Variants in DTX1 observed in about 807,000 individuals in gnomAD.
DTX1 encodes E3 ubiquitin-protein ligase DTX1.
In DTX1, 26 loss-of-function variants were observed where a neutral mutation model predicts 57.8. The observed-to-expected ratio is 0.45, with a 90% CI of 0.33 to 0.62. The LOEUF (loss-of-function observed/expected upper bound fraction) is 0.62, where lower values mean the gene tolerates loss of function less well. Among genes scored for constraint, DTX1 ranks in the 20% least tolerant of loss-of-function variants. DTX1 has a pLI of 0.02. For missense variants in DTX1, 704 were observed against 895.3 expected (o/e 0.79, Z 2.73); for synonymous variants, 398 against 394.1 (o/e 1.01, Z -0.12).
intron 2 of DTX1, among the ~76,000 whole-genome samples, chr12:113,062,415 A>G (rs2044671488): frequency 1.3e-5 from 2 of 152,248 alleles, no homozygotes; most frequent in South Asian, 4.1e-4. Flanking sequence ...TGAATTTCAT[A>G]TCTTTTTCAC....
chr12:113,094,857 C>T lies in DTX1; in HGVS notation c.1296C>T (p.Gly432=), dbSNP rs372433038. 8 of 1,613,668 alleles carry T rather than the reference C, an allele frequency of 5.0e-6. No homozygotes were observed. Among genetic ancestry groups the T allele is most frequent in the South Asian group, 3.3e-5 (3 of 91,082 alleles). ...SGYEGVLRHK[G]VRPELVGRLG... The stretch of plus-strand genomic sequence containing the variant: ...ACGAGGGCGTGCTTCGGCACAAGGG[C>T]GTGCGGCCTGAGCTCGTGGGCCGCC... Residue 432 remains glycine (G), a synonymous_variant, in exon 7 of 10, where the codon GGC becomes GGT. Transcript: ENST00000548759.
chr12:113,094,117 GGGC>G lies in DTX1; in HGVS notation c.1227+19_1227+21del. 2 of 1,491,952 alleles carry G rather than the reference GGGC, an allele frequency of 1.3e-6. No homozygotes were observed. Among genetic ancestry groups the G allele is most frequent in the Non-Finnish European group, 1.8e-6 (2 of 1,090,766 alleles). 92.4% of individuals were successfully genotyped at this position (1,491,952 alleles called of 1,614,324 possible). On this transcript the variant is annotated intron_variant, in intron 6 of 9. Transcript: ENST00000548759. The stretch of plus-strand genomic sequence containing the variant: ...CTGATGAGGTGAGGAGGGGATGGGG[GGGC>G]TGGGGGAGGGCCCTGGCATGGAGGG...
chr12:113,082,653 T>C (rs532635649), intron 3 of DTX1, among the ~76,000 whole-genome samples: 1 of 152,270 alleles, frequency 6.6e-6, no homozygotes, highest in South Asian at 2.1e-4. Context: ...TGGAGTACAG[T>C]GGCGCAATCA....
At position 113,096,849 on chromosome 12, in the gene DTX1, G is replaced by A. The variant is rs558158367; in HGVS notation, c.1773G>A (p.Thr591=). The A allele has an allele frequency of 1.7e-5, 28 of 1,613,756 alleles. No homozygotes were observed. Among genetic ancestry groups the A allele is most frequent in the Admixed American group, 1.2e-4 (7 of 60,000 alleles). ...HHKTEFGSNL[T]GHGYPDASYL... is the part of the protein sequence containing the mutation. ...AGACCGAGTTTGGATCCAACCTCAC[G>A]GGCCACGGCTACCCGGACGCTAGCT... Residue 591 remains threonine, a synonymous_variant, in exon 10 of 10, where the codon ACG becomes ACA. Coordinates refer to ENST00000548759, the MANE Select transcript of DTX1 (RefSeq NM_004416.3).
intron 3 of DTX1, among the ~76,000 whole-genome samples, chr12:113,087,715 G>T (rs2044872633): frequency 6.6e-6 from 1 of 152,100 alleles, no homozygotes; most frequent in Admixed American, 6.5e-5. Flanking sequence ...GGCTCTTTGG[G>T]GTCTGCTGGG....
At chr12:113,087,289 G>A (rs1032943822) in intron 3 of DTX1, among the ~76,000 whole-genome samples, 2 of 152,206 alleles carry the variant, frequency 1.3e-5, no homozygotes, top group African/African-American at 4.8e-5. Context: ...TTCACAGAGG[G>A]GACACTGAAG....
intron 3 of DTX1, among the ~76,000 whole-genome samples, chr12:113,090,891 C>T (rs1008007114): frequency 9.2e-5 from 14 of 152,174 alleles, no homozygotes; most frequent in Admixed American, 7.2e-4. Context: ...AGAGCATGTG[C>T]GCATGTGTCC....
At position 113,072,696 on chromosome 12, in the gene DTX1, C is replaced by CTTTT. The variant is rs60642403; in HGVS notation, c.260-4706_260-4703dup. Among the ~76,000 whole-genome samples the CTTTT allele has an allele frequency of 6.8e-3, 487 of 71,098 alleles. 23 individuals are homozygous for CTTTT. Among genetic ancestry groups the CTTTT allele is most frequent in the African/African-American group, 0.02 (383 of 19,168 alleles). The allele number at this position is 71,098 out of a possible 152,430, so 46.6% of individuals were successfully genotyped here. ...ATTTGCACAAGACCTGAGAGATTTT[C>CTTTT]TTTTTTTTTTTTTTTTTTTTTTTTT... On this transcript the variant is annotated intron_variant, in intron 2 of 9. Coordinates refer to ENST00000548759, the MANE Select transcript of DTX1 (RefSeq NM_004416.3).
intron 3 of DTX1, among the ~76,000 whole-genome samples, chr12:113,089,376 G>C (rs1243463869): frequency 2.0e-5 from 3 of 152,192 alleles, no homozygotes; most frequent in Non-Finnish European, 2.9e-5. Flanking sequence ...AAGGCAGAGA[G>C]GCTTGCATGG....
Position 113,058,145 on chromosome 12 carries a change from G to C in DTX1, c.-48G>C. 6.5e-7 allele frequency: 1 copy of C among 1,534,548 alleles called. No individual in the cohort carries two copies. The highest frequency in any genetic ancestry group is 8.8e-7 in the Non-Finnish European group (1 of 1,140,242). ...CCGCCTGCTGCCAGGCCCAGGAGGAGCTGGGCCTGCAATAGTGGGGGACCT... is the reference window on the plus strand; with the variant it reads ...CCGCCTGCTGCCAGGCCCAGGAGGACCTGGGCCTGCAATAGTGGGGGACCT... On this transcript the variant is annotated 5_prime_UTR_variant, in exon 2 of 10. Transcript: ENST00000548759.
intron 3 of DTX1, among the ~76,000 whole-genome samples, chr12:113,090,810 G>A (rs1391856020): frequency 2.0e-5 from 3 of 152,222 alleles, no homozygotes; most frequent in Admixed American, 2.0e-4. Context: ...GTGTGATTGT[G>A]CCTCTGCATG....
chr12:113,091,589 G>C (rs1006659089), intron 3 of DTX1, among the ~76,000 whole-genome samples: 13 of 152,216 alleles, frequency 8.5e-5, no homozygotes, highest in Admixed American at 2.6e-4. Context: ...TGGATCTGTG[G>C]ATCTGTGTGG....
At chr12:113,064,295 C>A (rs1398509889) in intron 2 of DTX1, among the ~76,000 whole-genome samples, 1 of 152,222 alleles carries the variant, frequency 6.6e-6, no homozygotes, top group Non-Finnish European at 1.5e-5. Context: ...CCCCAACCAC[C>A]AGTCACGCTG....
intron 3 of DTX1, among the ~76,000 whole-genome samples, chr12:113,081,397 T>C (rs1306482620): frequency 6.6e-6 from 1 of 152,208 alleles, no homozygotes; most frequent in African/African-American, 2.4e-5. Context: ...TTACTCAGCT[T>C]TCATGGCCTA....
chr12:113,076,675 G>A (rs189778686), intron 2 of DTX1, among the ~76,000 whole-genome samples: 29 of 152,286 alleles, frequency 1.9e-4, no homozygotes, highest in South Asian at 4.1e-4. Context: ...AAGAATCAAT[G>A]AATGAATGAA....
intron 3 of DTX1, among the ~76,000 whole-genome samples, chr12:113,083,979 A>C (rs972625618): frequency 1.3e-5 from 2 of 152,246 alleles, no homozygotes; most frequent in African/African-American, 4.8e-5. Context: ...ATCAGCTTGC[A>C]AGGGAGGTGT....
At chr12:113,073,925 A>G (rs1053995812) in intron 2 of DTX1, among the ~76,000 whole-genome samples, 1 of 152,216 alleles carries the variant, frequency 6.6e-6, no homozygotes, top group African/African-American at 2.4e-5. Flanking sequence ...TAAAGAATGC[A>G]TGCAGATTAA....
chr12:113,069,360 G>T (rs2044725094), intron 2 of DTX1, among the ~76,000 whole-genome samples: 2 of 152,042 alleles, frequency 1.3e-5, no homozygotes, highest in Admixed American at 6.6e-5. Context: ...GCCTCCGCCT[G>T]CCAGCAGCCT....
chr12:113,095,532 GC>G, intron 9 of DTX1, 118 bp downstream of exon 9: 1 of 1,344,034 alleles, frequency 7.4e-7, no homozygotes, highest in Non-Finnish European at 1.0e-6. Flanking sequence ...CCTCCCAAAA[GC>G]AGCACCCGAA....
Sources: gnomAD v4.1 joint callset for allele counts (sites outside exome capture counted in the v4.1 genomes callset) on GRCh38, gnomAD v4.1.1 for gene constraint, MANE v1.5 for transcripts, NCBI Gene and HGNC (gene_info 2026-07-23, HGNC 2026-07-21) for gene names.